The following MAGI1 variants were observed in gnomAD, a reference collection of about 807,000 sequenced individuals.
MAGI1 encodes the protein membrane-associated guanylate kinase, WW and PDZ domain-containing protein 1.
In MAGI1, 58 loss-of-function variants were observed where a neutral mutation model predicts 139.9. That is an observed-to-expected ratio of 0.41 (90% CI 0.34 to 0.52). The LOEUF (loss-of-function observed/expected upper bound fraction) is 0.52. Among genes scored for constraint, MAGI1 ranks in the 20% least tolerant of loss-of-function variants. The pLI is 0.12. For missense variants in MAGI1, 1,874 were observed against 1,901.6 expected, an observed-to-expected ratio of 0.99 and a Z score of 0.27; for synonymous variants, 812 against 737.9, an observed-to-expected ratio of 1.10 and a Z score of -1.63.
rs546310284 is a variant in MAGI1 at position 65,507,604 on chromosome 3, C to T, written c.431-13973G>A. ...CTTTGATTCCCAGCCCCTTCCATTA[C>T]CTTATCTAATGTTTGCCAACGATCT... On this transcript the variant is annotated intron_variant, in intron 2 of 22. Transcript: ENST00000402939. Among the ~76,000 whole-genome samples, 3 of 152,296 alleles carry T rather than the reference C, an allele frequency of 2.0e-5. No homozygotes were observed. The South Asian group carries it at 6.2e-4, about 32-fold the overall frequency.
intron 1 of MAGI1, among the ~76,000 whole-genome samples, chr3:65,923,932 G>C (rs2062364360): frequency 6.6e-6 from 1 of 152,158 alleles, no homozygotes; most frequent in Admixed American, 6.5e-5. Flanking sequence ...CAATGCACCT[G>C]AATTTTATAT....
In MAGI1 at chr3:65,437,196, G is replaced by A. The variant is rs546485283; in HGVS notation, c.1322C>T (p.Pro441Leu). ...TCTGGCTGGCTCTGGATTGCTTGGA[G>A]GGTGGTTTGGAATAACAGGAGGCAC... The part of the protein sequence containing the change: ...ALVPPVIPNH[P>L]PSNPEPAREV... The change falls in exon 10 of 23, where the codon CCT becomes CTT. Residue 441 changes from proline (P) to leucine (L), a missense_variant. By Grantham distance (98) the Pro-to-Leu change is moderately conservative. Transcript: ENST00000402939. 329 of 1,612,406 alleles carry A rather than the reference G, an allele frequency of 2.0e-4. 1 individual carries two copies. In the South Asian group the frequency reaches 3.3e-3, roughly 16 times the overall value.
At chr3:65,553,715 T>A (rs1248338559) in intron 2 of MAGI1, among the ~76,000 whole-genome samples, 1 of 152,188 alleles carries the variant, frequency 6.6e-6, no homozygotes, top group Admixed American at 6.5e-5. Context: ...TCCATGGACT[T>A]TCTATTTGTT....
chr3:65,851,061 C>T (rs990841905), intron 1 of MAGI1, among the ~76,000 whole-genome samples: 1 of 151,778 alleles, frequency 6.6e-6, no homozygotes, highest in Non-Finnish European at 1.5e-5. Flanking sequence ...GAGCCGAGAT[C>T]ACGCCACTGC....
At position 65,439,997 on chromosome 3, in the gene MAGI1, C is replaced by G. The variant is rs371147983; in HGVS notation, c.1152G>C (p.Lys384Asn). The stretch of plus-strand genomic sequence containing the variant: ...CTAGAACCGGGTTCTCATATTGTGT[C>G]TTCCTGTTGATGTGGCTGGGGAAGA... ...GIYYVDHINRKTQYENPVLEA... is the reference protein window; with the variant it reads ...GIYYVDHINRNTQYENPVLEA... The change falls in exon 9 of 23, where the codon AAG becomes AAC. Residue 384 changes from lysine to asparagine, a missense_variant. Physicochemically the swap from Lys to Asn is moderately conservative, Grantham distance 94. This residue lies in a region of MAGI1 where 648 missense variants were observed against 598.1 expected (regional missense o/e 1.08). Transcript: ENST00000402939. 16 of 1,613,936 alleles carry G rather than the reference C, an allele frequency of 9.9e-6. No homozygotes were observed. Among genetic ancestry groups the G allele is most frequent in the Non-Finnish European group, 1.3e-5 (15 of 1,179,992 alleles).
At chr3:65,741,426 G>A (rs887872079) in intron 1 of MAGI1, among the ~76,000 whole-genome samples, 6 of 152,096 alleles carry the variant, frequency 3.9e-5, no homozygotes, top group African/African-American at 1.2e-4. Flanking sequence ...CGCCCGCCTC[G>A]GCCTCCCAAA....
intron 1 of MAGI1, among the ~76,000 whole-genome samples, chr3:65,629,766 T>C (rs149141009): frequency 5.7e-4 from 87 of 152,326 alleles, no homozygotes; most frequent in African/African-American, 2.0e-3. Context: ...TTTTTTCTTA[T>C]TGTAAAAGCA....
chr3:65,944,152 A>T (rs2106870769), intron 1 of MAGI1, among the ~76,000 whole-genome samples: 1 of 152,332 alleles, frequency 6.6e-6, no homozygotes, highest in Admixed American at 6.5e-5. Flanking sequence ...AAAATTTAAT[A>T]AAAAGTGACC....
intron 1 of MAGI1, among the ~76,000 whole-genome samples, chr3:66,028,570 G>A (rs2068422625): frequency 6.6e-6 from 1 of 152,042 alleles, no homozygotes; most frequent in African/African-American, 2.4e-5. Context: ...CGTGGTACCA[G>A]GAAGATGAGA....
intron 2 of MAGI1, among the ~76,000 whole-genome samples, chr3:65,508,734 T>C (rs568391987): frequency 1.3e-5 from 2 of 152,326 alleles, no homozygotes; most frequent in African/African-American, 2.4e-5. Context: ...AGGAAATGGA[T>C]ACCTTTGTTG....
intron 2 of MAGI1, among the ~76,000 whole-genome samples, chr3:65,511,765 G>A (rs1447370721): frequency 1.3e-5 from 2 of 148,370 alleles, no homozygotes; most frequent in Non-Finnish European, 3.0e-5. Flanking sequence ...AAGTCAACAA[G>A]GATACCCAGG....
At chr3:65,954,117 C>T (rs1560050748) in intron 1 of MAGI1, among the ~76,000 whole-genome samples, 1 of 152,076 alleles carries the variant, frequency 6.6e-6, no homozygotes, top group Non-Finnish European at 1.5e-5. Flanking sequence ...ACTCCAACAT[C>T]AGGGGGCAAA....
chr3:65,866,260 T>C (rs1053080897), intron 1 of MAGI1, among the ~76,000 whole-genome samples: 2 of 151,500 alleles, frequency 1.3e-5, no homozygotes, highest in Non-Finnish European at 2.9e-5. Flanking sequence ...GTTGCTCCAG[T>C]TGGAGTACAG....
chr3:65,549,441 C>G (rs1470803909), intron 2 of MAGI1: 2 of 985,376 alleles, frequency 2.0e-6, no homozygotes, highest in South Asian at 4.7e-5. Flanking sequence ...GAGTTCGCCT[C>G]GGTCACTGCC....
intron 2 of MAGI1, chr3:65,609,721 A>T (rs1559717123): frequency 4.0e-6 from 1 of 251,500 alleles, no homozygotes; most frequent in Non-Finnish European, 8.4e-6. Flanking sequence ...AATTGCTAGA[A>T]CTGCAGGTGT....
chr3:65,506,397 G>A (rs1365709093), intron 2 of MAGI1, among the ~76,000 whole-genome samples: 1 of 152,144 alleles, frequency 6.6e-6, no homozygotes, highest in African/African-American at 2.4e-5. Flanking sequence ...TATGGAAGAA[G>A]GAAGACTATG....
At chr3:65,745,364 G>A (rs182541864) in intron 1 of MAGI1, among the ~76,000 whole-genome samples, 2 of 152,222 alleles carry the variant, frequency 1.3e-5, no homozygotes, top group African/African-American at 4.8e-5. Flanking sequence ...AAGTCAGACT[G>A]CACCTCTGAA....
intron 4 of MAGI1, among the ~76,000 whole-genome samples, chr3:65,473,408 A>G (rs1244016212): frequency 1.3e-5 from 2 of 152,292 alleles, no homozygotes; most frequent in East Asian, 1.9e-4. Flanking sequence ...GGCATGCTCA[A>G]TGGGTGCTTG....
At chr3:65,906,964 T>C (rs2061461337) in intron 1 of MAGI1, among the ~76,000 whole-genome samples, 1 of 151,810 alleles carries the variant, frequency 6.6e-6, no homozygotes, top group Non-Finnish European at 1.5e-5. Context: ...AATGTACTTC[T>C]GGACCTGAAC....
Sources: gnomAD v4.1 joint callset for allele counts (sites outside exome capture counted in the v4.1 genomes callset) on GRCh38, gnomAD v4.1.1 for gene constraint, gnomAD v4.1.1 regional missense constraint, MANE v1.5 for transcripts, NCBI Gene and HGNC (gene_info 2026-07-23, HGNC 2026-07-21) for gene names.